LDLRAD3: variants seen among roughly 807,000 people sequenced by gnomAD.
The protein encoded by LDLRAD3 is low density lipoprotein receptor class A domain containing 3, also known as low-density lipoprotein receptor class A domain-containing protein 3.
In LDLRAD3, 20 loss-of-function variants were observed where a neutral mutation model predicts 29.4. The ratio of observed to expected loss-of-function variants is 0.68; its 90% CI spans 0.48 to 0.99. The LOEUF (loss-of-function observed/expected upper bound fraction) is 0.99, where lower values mean the gene tolerates loss of function less well. Among genes scored for constraint, LDLRAD3 ranks in the 50% least tolerant of loss-of-function variants. The pLI, the probability that LDLRAD3 is intolerant of heterozygous loss-of-function variation, is 0.00. For synonymous variants in LDLRAD3, 157 were observed against 192.7 expected, an observed-to-expected ratio of 0.81 and a Z score of 1.53; for missense variants, 420 against 454.3, an observed-to-expected ratio of 0.92 and a Z score of 0.69.
intron 1 of LDLRAD3, chr11:35,967,568 T>C: frequency 2.5e-6 from 1 of 405,712 alleles, no homozygotes; most frequent in Admixed American, 3.2e-5. Context: ...ATGGCCTAGG[T>C]CACCAATTTT....
chr11:36,161,886 G>T (rs1415022890), intron 4 of LDLRAD3, among the ~76,000 whole-genome samples: 3 of 152,314 alleles, frequency 2.0e-5, no homozygotes, highest in South Asian at 2.1e-4. Flanking sequence ...TTAAATGAAT[G>T]AGATGCATAA....
chr11:36,093,742 C>T (rs1474168786), intron 3 of LDLRAD3, among the ~76,000 whole-genome samples: 1 of 152,120 alleles, frequency 6.6e-6, no homozygotes, highest in East Asian at 1.9e-4. Flanking sequence ...GATATGCTGA[C>T]AATTTGAAGG....
intron 4 of LDLRAD3, among the ~76,000 whole-genome samples, chr11:36,193,924 A>G (rs1003798125): frequency 5.9e-5 from 9 of 152,176 alleles, no homozygotes; most frequent in African/African-American, 1.9e-4. Context: ...TTACTTCTCA[A>G]TGTTCTCACC....
intron 4 of LDLRAD3, among the ~76,000 whole-genome samples, chr11:36,114,410 A>G (rs1853647009): frequency 6.6e-6 from 1 of 152,100 alleles, no homozygotes; most frequent in Non-Finnish European, 1.5e-5. Flanking sequence ...GGTGCTTCAC[A>G]TATTTATTTC....
chr11:36,127,980 G>C (rs1853862353), intron 4 of LDLRAD3, among the ~76,000 whole-genome samples: 1 of 151,610 alleles, frequency 6.6e-6, no homozygotes, highest in Non-Finnish European at 1.5e-5. Flanking sequence ...TTCTCCAGCT[G>C]TTTCCCCAAA....
chr11:36,227,503 G>T, intron 5 of LDLRAD3, 73 bp downstream of exon 5: 1 of 1,164,346 alleles, frequency 8.6e-7, no homozygotes, highest in Non-Finnish European at 1.2e-6. Context: ...TGCACACACT[G>T]AGGTTCTTAG....
chr11:36,179,375 G>C (rs1432457403), intron 4 of LDLRAD3, among the ~76,000 whole-genome samples: 1 of 152,188 alleles, frequency 6.6e-6, no homozygotes, highest in African/African-American at 2.4e-5. Flanking sequence ...TTGAGAGGCT[G>C]AGGTAGGAGA....
intron 1 of LDLRAD3, among the ~76,000 whole-genome samples, chr11:35,952,591 G>T (rs935794077): frequency 2.0e-5 from 3 of 152,164 alleles, no homozygotes; most frequent in Non-Finnish European, 4.4e-5. Flanking sequence ...ACTTGCCTTT[G>T]AATATATTAA....
chr11:35,950,743 C>T (rs1168168888), intron 1 of LDLRAD3, among the ~76,000 whole-genome samples: 5 of 152,070 alleles, frequency 3.3e-5, no homozygotes, highest in South Asian at 2.1e-4. Flanking sequence ...AAGCACTGTA[C>T]GTGTCTTATT....
chr11:36,056,254 A>G (rs905237332), intron 2 of LDLRAD3, among the ~76,000 whole-genome samples: 1 of 151,952 alleles, frequency 6.6e-6, no homozygotes, highest in Non-Finnish European at 1.5e-5. Flanking sequence ...CGGCCTCCCA[A>G]AGTGCTGGGT....
chr11:35,994,289 A>G (rs1392856824), intron 1 of LDLRAD3, among the ~76,000 whole-genome samples: 1 of 140,388 alleles, frequency 7.1e-6, no homozygotes, highest in Non-Finnish European at 1.5e-5. Flanking sequence ...GTGAGCCGAG[A>G]TAGTGCCACT....
At chr11:35,946,665 T>C (rs1414019361) in intron 1 of LDLRAD3, among the ~76,000 whole-genome samples, 2 of 152,192 alleles carry the variant, frequency 1.3e-5, no homozygotes, top group Non-Finnish European at 2.9e-5. Flanking sequence ...TGATGGTCCA[T>C]CTTCTCACCT....
intron 4 of LDLRAD3, among the ~76,000 whole-genome samples, chr11:36,157,628 A>G (rs186707307): frequency 3.4e-4 from 51 of 152,142 alleles, no homozygotes; most frequent in Non-Finnish European, 6.5e-4. Flanking sequence ...AGCCCCTACT[A>G]TTTTGCGGGT....
intron 2 of LDLRAD3, among the ~76,000 whole-genome samples, chr11:36,036,730 G>GT (rs1852309913): frequency 6.6e-6 from 1 of 152,186 alleles, no homozygotes; most frequent in African/African-American, 2.4e-5. Context: ...TCAGCATGGA[G>GT]TTGGGACTGA....
chr11:36,009,498 G>T (rs1172215918), intron 1 of LDLRAD3, among the ~76,000 whole-genome samples: 2 of 152,166 alleles, frequency 1.3e-5, no homozygotes, highest in East Asian at 3.8e-4. Flanking sequence ...TATCCGAATA[G>T]AAATGGATTT....
At chr11:35,979,246 A>G (rs1417194023) in intron 1 of LDLRAD3, among the ~76,000 whole-genome samples, 1 of 152,118 alleles carries the variant, frequency 6.6e-6, no homozygotes, top group Non-Finnish European at 1.5e-5. Context: ...GGGCTCCTAG[A>G]TGGGACAGTG....
chr11:36,139,615 G>A (rs371155230), intron 4 of LDLRAD3, among the ~76,000 whole-genome samples: 196 of 152,224 alleles, frequency 1.3e-3, no homozygotes, highest in African/African-American at 4.6e-3. Flanking sequence ...GGCTCAGAGC[G>A]GGTAAGTAAC....
chr11:36,216,277 A>G (rs760197014), intron 4 of LDLRAD3, among the ~76,000 whole-genome samples: 17 of 152,238 alleles, frequency 1.1e-4, no homozygotes, highest in Non-Finnish European at 2.4e-4. Flanking sequence ...GTGAGAAGAT[A>G]TCTTCTAGAA....
intron 1 of LDLRAD3, among the ~76,000 whole-genome samples, chr11:36,035,409 G>C (rs1852290997): frequency 6.6e-6 from 1 of 152,078 alleles, no homozygotes; most frequent in Non-Finnish European, 1.5e-5. Context: ...GTTCGGGTTG[G>C]GGGCTTTGGC....
Sources: gnomAD v4.1 joint callset for allele counts (sites outside exome capture counted in the v4.1 genomes callset) on GRCh38, gnomAD v4.1.1 for gene constraint, MANE v1.5 for transcripts, NCBI Gene and HGNC (gene_info 2026-07-23, HGNC 2026-07-21) for gene names.